Variants in CCSER1 observed in about 807,000 individuals in gnomAD.
CCSER1 encodes the protein coiled-coil serine rich protein 1, also known as serine-rich coiled-coil domain-containing protein 1.
CCSER1 carries 41 observed loss-of-function variants against 82.0 expected under a neutral mutation model. That is an observed-to-expected ratio of 0.50 (90% confidence interval 0.39 to 0.65). The LOEUF (loss-of-function observed/expected upper bound fraction) is 0.65. Ranked by LOEUF, CCSER1 falls within the 30% of genes least tolerant of loss-of-function variation. The pLI, the probability that CCSER1 is intolerant of heterozygous loss-of-function variation, is 0.00. For missense variants in CCSER1, 1,119 were observed against 1,064.2 expected, an observed-to-expected ratio of 1.05 and a Z score of -0.72; for synonymous variants, 414 against 383.9, an observed-to-expected ratio of 1.08 and a Z score of -0.92.
chr4:90,655,048 A>T (rs899444604), intron 6 of CCSER1, among the ~76,000 whole-genome samples: 1 of 152,176 alleles, frequency 6.6e-6, no homozygotes, highest in Non-Finnish European at 1.5e-5. Flanking sequence ...CTTACATTTC[A>T]TGCATACTGT....
intron 8 of CCSER1, among the ~76,000 whole-genome samples, chr4:90,863,878 G>A (rs1466116997): frequency 6.6e-6 from 1 of 151,612 alleles, no homozygotes; most frequent in Non-Finnish European, 1.5e-5. Flanking sequence ...AAGCCCTTTA[G>A]CGCTTTGTTG....
chr4:90,425,009 A>T (rs1459776764), intron 4 of CCSER1, among the ~76,000 whole-genome samples: 1 of 152,104 alleles, frequency 6.6e-6, no homozygotes, highest in African/African-American at 2.4e-5. Flanking sequence ...GTCTTTATTC[A>T]GGCCATCGTT....
chr4:91,151,736 G>A (rs997242629), intron 10 of CCSER1, among the ~76,000 whole-genome samples: 3 of 152,150 alleles, frequency 2.0e-5, no homozygotes, highest in Non-Finnish European at 4.4e-5. Context: ...TATGTACCCA[G>A]TAGTCATTCA....
At chr4:91,033,030 G>A (rs561147100) in intron 9 of CCSER1, among the ~76,000 whole-genome samples, 1 of 149,574 alleles carries the variant, frequency 6.7e-6, no homozygotes, top group Non-Finnish European at 1.5e-5. Context: ...TGTGAGAGAC[G>A]AACATAGGAG....
intron 8 of CCSER1, among the ~76,000 whole-genome samples, chr4:90,839,795 G>C (rs867639350): frequency 6.6e-6 from 1 of 151,992 alleles, no homozygotes; most frequent in Admixed American, 6.6e-5. Flanking sequence ...CTTCTAAAAG[G>C]GTAGAAGTTC....
chr4:91,450,181 A>G (rs145009380), intron 10 of CCSER1, among the ~76,000 whole-genome samples: 17 of 152,158 alleles, frequency 1.1e-4, no homozygotes, highest in African/African-American at 4.1e-4. Context: ...CAGTCCTACT[A>G]GGGAGAGACT....
intron 8 of CCSER1, among the ~76,000 whole-genome samples, chr4:90,869,392 G>A (rs941373231): frequency 1.8e-4 from 27 of 152,038 alleles, no homozygotes; most frequent in Admixed American, 1.5e-3. Flanking sequence ...GGTAGCAATA[G>A]GGGTCTAGTT....
At chr4:90,232,611 A>C (rs2153428952) in intron 1 of CCSER1, among the ~76,000 whole-genome samples, 1 of 138,914 alleles carries the variant, frequency 7.2e-6, no homozygotes, top group Non-Finnish European at 1.5e-5. Flanking sequence ...AGAAAAGCCA[A>C]AATTGACAAA....
intron 10 of CCSER1, among the ~76,000 whole-genome samples, chr4:91,222,918 G>A (rs1737866584): frequency 1.3e-5 from 2 of 151,968 alleles, no homozygotes; most frequent in Non-Finnish European, 2.9e-5. Context: ...GTGTACCTAT[G>A]AAAAATAGAG....
At chr4:90,610,721 G>A (rs534351633) in intron 5 of CCSER1, among the ~76,000 whole-genome samples, 3 of 152,198 alleles carry the variant, frequency 2.0e-5, no homozygotes, top group Admixed American at 1.3e-4. Context: ...TATGTGAAAA[G>A]CTACACACAT....
chr4:91,309,154 G>A (rs1383727306), intron 10 of CCSER1, among the ~76,000 whole-genome samples: 1 of 151,872 alleles, frequency 6.6e-6, no homozygotes, highest in Admixed American at 6.6e-5. Context: ...TTTAAATCTT[G>A]TCCGTCCTTT....
chr4:90,344,086 A>G (rs1359873496), intron 3 of CCSER1, among the ~76,000 whole-genome samples: 2 of 152,044 alleles, frequency 1.3e-5, no homozygotes, highest in Non-Finnish European at 2.9e-5. Context: ...TTCTATCTCC[A>G]TGAGTTCAAT....
intron 10 of CCSER1, among the ~76,000 whole-genome samples, chr4:91,551,700 C>CACACACACAA (rs1491222711): frequency 7.9e-4 from 110 of 139,324 alleles, no homozygotes; most frequent in African/African-American, 2.8e-3. Context: ...CACACACACA[C>CACACACACAA]AATCAGTCAA....
At chr4:90,775,293 C>G (rs994013386) in intron 7 of CCSER1, among the ~76,000 whole-genome samples, 1 of 152,040 alleles carries the variant, frequency 6.6e-6, no homozygotes, top group East Asian at 1.9e-4. Flanking sequence ...AATAATTATT[C>G]TTTTGTTAAC....
chr4:90,477,137 T>A (rs185938318), intron 5 of CCSER1, among the ~76,000 whole-genome samples: 10 of 152,370 alleles, frequency 6.6e-5, no homozygotes, highest in Non-Finnish European at 1.2e-4. Context: ...ATATTTTATT[T>A]GAATGTGTTC....
At chr4:91,445,603 C>T (rs73835201) in intron 10 of CCSER1, among the ~76,000 whole-genome samples, 2,073 of 152,132 alleles carry the variant, frequency 0.014, 46 homozygotes, top group African/African-American at 0.047. Flanking sequence ...CACTTTCTCA[C>T]CCCCACCATT....
chr4:90,652,139 T>G (rs1358309058), intron 6 of CCSER1, among the ~76,000 whole-genome samples: 1 of 152,162 alleles, frequency 6.6e-6, no homozygotes, highest in African/African-American at 2.4e-5. Context: ...TATGCAAAAT[T>G]TTTTCCTGTA....
At chr4:90,264,103 C>T (rs188626742) in intron 1 of CCSER1, among the ~76,000 whole-genome samples, 59 of 152,238 alleles carry the variant, frequency 3.9e-4, no homozygotes, top group Middle Eastern at 6.8e-3. Flanking sequence ...TAAAATACAC[C>T]GTGGGCTTGA....
chr4:90,229,537 C>T (rs867069375), intron 1 of CCSER1, among the ~76,000 whole-genome samples: 10 of 151,978 alleles, frequency 6.6e-5, no homozygotes, highest in African/African-American at 1.7e-4. Flanking sequence ...TAAAGACCAT[C>T]GAGACTAGGA....
Sources: allele counts gnomAD v4.1 joint callset (sites outside exome capture counted in the v4.1 genomes callset), GRCh38; gene constraint gnomAD v4.1.1; transcripts MANE v1.5; gene names NCBI Gene and HGNC (gene_info 2026-07-23, HGNC 2026-07-21).